CCDC171: variants seen among roughly 807,000 people sequenced by gnomAD.
The protein encoded by CCDC171 is coiled-coil domain-containing protein 171.
A neutral mutation model predicts 168.2 loss-of-function variants in CCDC171; 177 were observed. That is an observed-to-expected ratio of 1.05 (90% confidence interval 0.93 to 1.19). The LOEUF (loss-of-function observed/expected upper bound fraction) is 1.19. Among genes scored for constraint, CCDC171 ranks in the 50% most tolerant of loss-of-function variants. CCDC171 has a pLI of 0.00. For synonymous variants in CCDC171, 687 were observed against 540.8 expected (o/e 1.27, Z -3.75); for missense variants, 1,991 against 1,539.0 (o/e 1.29, Z -4.91).
chr9:15,554,749 G>A (rs989585068), intron 1 of CCDC171, among the ~76,000 whole-genome samples: 2 of 152,178 alleles, frequency 1.3e-5, no homozygotes, highest in African/African-American at 2.4e-5. Flanking sequence ...ACAGCACTGC[G>A]TAGTGAAAGA....
intron 12 of CCDC171, among the ~76,000 whole-genome samples, chr9:15,722,692 G>A (rs189962526): frequency 5.4e-4 from 82 of 152,182 alleles, no homozygotes; most frequent in African/African-American, 1.9e-3. Context: ...GCCATAAAAC[G>A]GTTACATTTC....
the CCDC171 span, among the ~76,000 whole-genome samples, chr9:16,072,909 T>C: frequency 1.3e-5 from 2 of 152,216 alleles, no homozygotes; most frequent in African/African-American, 4.8e-5. Flanking sequence ...CAAGAACTAA[T>C]CACCTTTGTT....
chr9:15,682,251 T>C (rs537775111), intron 10 of CCDC171, among the ~76,000 whole-genome samples: 96 of 152,154 alleles, frequency 6.3e-4, no homozygotes, highest in African/African-American at 2.3e-3. Flanking sequence ...CTGGGCTAGA[T>C]ACAGCAGCAG....
At chr9:16,043,441 G>A (rs141511779) in intron 1 of CCDC171, among the ~76,000 whole-genome samples, 98 of 152,232 alleles carry the variant, frequency 6.4e-4, no homozygotes, top group African/African-American at 2.2e-3. Flanking sequence ...CAGAATCTTG[G>A]GGATGAGTAC....
Position 15,817,512 on chromosome 9 carries a change from C to A in CCDC171, c.3268-29190C>A, listed in dbSNP as rs533484282. Among the ~76,000 whole-genome samples, 8 of 118,518 alleles carry A rather than the reference C, an allele frequency of 6.8e-5. 3 individuals carry two copies. The highest frequency in any genetic ancestry group is 1.5e-4 in the Non-Finnish European group (8 of 52,442). 77.8% of individuals were successfully genotyped at this position (118,518 alleles called of 152,430 possible). ...CTCCCACCCTAATACTGCACTTTTC[C>A]AAAGGGCTTAACAAACAGCACACCA... On this transcript the variant is annotated intron_variant, in intron 21 of 25. Coordinates refer to ENST00000380701, the MANE Select transcript of CCDC171 (RefSeq NM_173550.4).
chr9:15,631,251 T>A (rs2045664729), intron 7 of CCDC171, among the ~76,000 whole-genome samples: 1 of 150,524 alleles, frequency 6.6e-6, no homozygotes. Flanking sequence ...TTTGAAAAGA[T>A]CAACAAAATT....
At chr9:16,102,631 G>A in the CCDC171 span, among the ~76,000 whole-genome samples, 202 of 152,118 alleles carry the variant, frequency 1.3e-3, 1 homozygote, top group Non-Finnish European at 2.6e-3. Flanking sequence ...CAAGAAACTC[G>A]GATATCTTTT....
chr9:15,734,246 A>T (rs1224279373), intron 16 of CCDC171, among the ~76,000 whole-genome samples: 6 of 152,212 alleles, frequency 3.9e-5, no homozygotes, highest in Admixed American at 3.9e-4. Flanking sequence ...TTACTATTAT[A>T]AATTGGAGGC....
chr9:15,594,086 C>T lies in CCDC171; in HGVS notation c.589C>T (p.His197Tyr), dbSNP rs1372291955. The T allele has an allele frequency of 3.8e-6, 6 of 1,581,832 alleles. No homozygotes were observed. Among genetic ancestry groups the T allele is most frequent in the Non-Finnish European group, 4.3e-6 (5 of 1,155,466 alleles). The change falls in exon 6 of 26, where the codon CAT (histidine) becomes TAT (tyrosine). Residue 197 changes from histidine (H) to tyrosine (Y), a missense_variant. By Grantham distance (83) the His-to-Tyr change is moderately conservative. Coordinates refer to ENST00000380701, the MANE Select transcript of CCDC171 (RefSeq NM_173550.4). ...ACGGGAGAAGAATGAGATGGAGTCTCATATCAGGGAGACAGCATTGGAGGA... is the reference window on the plus strand; with the variant it reads ...ACGGGAGAAGAATGAGATGGAGTCTTATATCAGGGAGACAGCATTGGAGGA... ...HQREKNEMES[H>Y]IRETALEEFR...
chr9:16,071,104 A>T, the CCDC171 span, among the ~76,000 whole-genome samples: 4 of 152,132 alleles, frequency 2.6e-5, no homozygotes, highest in African/African-American at 9.7e-5. Context: ...ACAGTGAGAG[A>T]GGCTGTGCAA....
At chr9:15,899,398 T>A (rs999744857) in intron 24 of CCDC171, among the ~76,000 whole-genome samples, 1 of 152,196 alleles carries the variant, frequency 6.6e-6, no homozygotes, top group African/African-American at 2.4e-5. Context: ...ATTTAATTTT[T>A]AAAAAACTGT....
At chr9:16,057,479 T>C (rs1833859224) in intron 1 of CCDC171, among the ~76,000 whole-genome samples, 1 of 152,180 alleles carries the variant, frequency 6.6e-6, no homozygotes, top group Non-Finnish European at 1.5e-5. Flanking sequence ...GTGCTTCATT[T>C]TGTTTTGTTT....
At chr9:15,836,837 G>T (rs372635494) in intron 21 of CCDC171, among the ~76,000 whole-genome samples, 2 of 152,146 alleles carry the variant, frequency 1.3e-5, no homozygotes, top group Admixed American at 1.3e-4. Context: ...GTCAAATTTC[G>T]TATCAGTGGA....
chr9:15,824,686 C>T (rs570657488), intron 21 of CCDC171, among the ~76,000 whole-genome samples: 1 of 152,054 alleles, frequency 6.6e-6, no homozygotes, highest in African/African-American at 2.4e-5. Context: ...TTCTATCCTG[C>T]GAACTCTTTA....
chr9:16,002,101 T>C (rs1025220493), intron 3 of CCDC171, among the ~76,000 whole-genome samples: 2 of 151,118 alleles, frequency 1.3e-5, no homozygotes, highest in Non-Finnish European at 2.9e-5. Flanking sequence ...ATGCTGGAAT[T>C]ACAGGCATGA....
chr9:15,750,773 G>A (rs528382072), intron 18 of CCDC171, among the ~76,000 whole-genome samples: 2 of 152,168 alleles, frequency 1.3e-5, no homozygotes, highest in South Asian at 2.1e-4. Context: ...TTGATGGAAC[G>A]TATCTCATAA....
In CCDC171 at chr9:15,819,541, T is replaced by C. The variant is rs1268544353; in HGVS notation, c.3268-27161T>C. Among the ~76,000 whole-genome samples, 13 of 116,402 alleles carry C rather than the reference T, an allele frequency of 1.1e-4. 3 individuals carry two copies. The allele number at this position is 116,402 out of a possible 152,430, so 76.4% of individuals were successfully genotyped here. A position where few individuals can be genotyped will look rare whatever the true frequency, so the allele number is the denominator to read the frequency against. The stretch of plus-strand genomic sequence containing the variant: ...CAAAAATAGGCAGGGGTTGCCATCC[T>C]AATCTCGGATAAAACACACTTTAAA... On this transcript the variant is annotated intron_variant, in intron 21 of 25. Coordinates refer to ENST00000380701, the MANE Select transcript of CCDC171 (RefSeq NM_173550.4).
At chr9:15,995,157 C>T (rs968136496) in intron 3 of CCDC171, among the ~76,000 whole-genome samples, 1 of 152,152 alleles carries the variant, frequency 6.6e-6, no homozygotes. Flanking sequence ...TATATTTACT[C>T]TCAATTGTTC....
chr9:15,626,024 G>C (rs2045064789), intron 7 of CCDC171, among the ~76,000 whole-genome samples: 1 of 152,070 alleles, frequency 6.6e-6, no homozygotes, highest in Non-Finnish European at 1.5e-5. Context: ...TCCTTGAAGA[G>C]GTCCTTCACA....
Sources: gnomAD v4.1 joint callset for allele counts (sites outside exome capture counted in the v4.1 genomes callset) on GRCh38, gnomAD v4.1.1 for gene constraint, MANE v1.5 for transcripts, NCBI Gene and HGNC (gene_info 2026-07-23, HGNC 2026-07-21) for gene names.